The following STYXL1 variants were observed in gnomAD, a reference collection of about 807,000 sequenced individuals.
The protein encoded by STYXL1 is serine/threonine/tyrosine interacting like 1.
Under a neutral mutation model 36.4 loss-of-function variants are expected in STYXL1, and 32 were observed. The observed-to-expected ratio is 0.88, with a 90% CI of 0.66 to 1.18. The LOEUF is 1.18. STYXL1 is among the 50% of genes most tolerant of loss of function. The pLI, the probability that STYXL1 is intolerant of heterozygous loss-of-function variation, is 0.00. For synonymous variants in STYXL1, 133 were observed against 144.1 expected (o/e 0.92, Z 0.55); for missense variants, 354 against 394.1 (o/e 0.90, Z 0.86).
chr7:76,023,907 A>T (rs1794369505), intron 3 of STYXL1, among the ~76,000 whole-genome samples: 1 of 152,066 alleles, frequency 6.6e-6, no homozygotes, highest in South Asian at 2.1e-4. Flanking sequence ...CAGCTACCAA[A>T]GAGGCTGAGG....
rs1554578907 is a variant in STYXL1, at chr7:76,030,442, G to C, written c.82C>G (p.Pro28Ala). The part of the protein sequence containing the change: ...QATKLSRLTD[P>A]NYLCLLDVRS... Reference sequence around the variant, plus strand: ...TTACCCAATAAACAGAGATAGTTGGGGTCTGTTAATCTGGAGAGTTTTGTG... The same window carrying C: ...TTACCCAATAAACAGAGATAGTTGGCGTCTGTTAATCTGGAGAGTTTTGTG... Residue 28 changes from proline (P) to alanine (A), a missense_variant, in exon 2 of 9, where the codon CCC (proline) becomes GCC (alanine). By Grantham distance (27) the Pro-to-Ala change is conservative (BLOSUM62 -1). Transcript: ENST00000359697. The C allele has an allele frequency of 6.2e-7, 1 of 1,613,066 alleles. No homozygotes were observed. Among genetic ancestry groups the C allele is most frequent in the Non-Finnish European group, 8.5e-7 (1 of 1,179,220 alleles).
chr7:76,022,582 T>C (rs1794207990), intron 3 of STYXL1, among the ~76,000 whole-genome samples: 1 of 152,104 alleles, frequency 6.6e-6, no homozygotes, highest in Non-Finnish European at 1.5e-5. Flanking sequence ...GACGGATCAC[T>C]TGAGCCCAGG....
chr7:76,015,402 G>C (rs1585233349), intron 4 of STYXL1, among the ~76,000 whole-genome samples: 1 of 152,164 alleles, frequency 6.6e-6, no homozygotes. Flanking sequence ...TGTAACACCT[G>C]AAAACTATAG....
chr7:76,044,280 G>A (rs1309463330), intron 1 of STYXL1: 1 of 152,174 alleles, frequency 6.6e-6, no homozygotes, highest in Non-Finnish European at 1.5e-5. Context: ...TTAGCTTCCT[G>A]AGTAACTGGG....
At chr7:76,014,356 T>G (rs1469653740) in intron 4 of STYXL1, among the ~76,000 whole-genome samples, 1 of 151,414 alleles carries the variant, frequency 6.6e-6, no homozygotes, top group Non-Finnish European at 1.5e-5. Context: ...CCACCGGGTT[T>G]TTTTTGTTTT....
intron 1 of STYXL1, chr7:76,044,872 T>G (rs1358144693): frequency 6.6e-6 from 1 of 152,124 alleles, no homozygotes; most frequent in South Asian, 2.1e-4. Flanking sequence ...ATTTTCGTAC[T>G]TTTTGTAGAG....
At chr7:76,004,861 C>T (rs1478724962) in intron 6 of STYXL1, among the ~76,000 whole-genome samples, 10 of 149,246 alleles carry the variant, frequency 6.7e-5, no homozygotes, top group Non-Finnish European at 1.2e-4. Context: ...ACTAGCTGGG[C>T]GTGGTGGCGG....
chr7:76,031,860 T>G (rs538591991), intron 1 of STYXL1, among the ~76,000 whole-genome samples: 38 of 152,226 alleles, frequency 2.5e-4, no homozygotes, highest in Admixed American at 1.2e-3. Context: ...GAGCACCTAC[T>G]ATGTCCCAGG....
intron 3 of STYXL1, among the ~76,000 whole-genome samples, chr7:76,022,420 G>A (rs1554576514): frequency 6.6e-6 from 1 of 151,972 alleles, no homozygotes; most frequent in Non-Finnish European, 1.5e-5. Context: ...AGCACTTCAG[G>A]AGGCCAAGGC....
At chr7:76,027,844 GT>G (rs1794892205) in intron 3 of STYXL1, among the ~76,000 whole-genome samples, 1 of 151,966 alleles carries the variant, frequency 6.6e-6, no homozygotes, top group South Asian at 2.1e-4. Flanking sequence ...CGGCTCACAT[GT>G]GTAATCCCAG....
At chr7:76,017,618 G>A (rs1793534056) in intron 4 of STYXL1, among the ~76,000 whole-genome samples, 1 of 151,694 alleles carries the variant, frequency 6.6e-6, no homozygotes, top group African/African-American at 2.4e-5. Context: ...AGGCGCGATG[G>A]CTCACACCTG....
intron 4 of STYXL1, among the ~76,000 whole-genome samples, chr7:76,016,483 G>A (rs1488046120): frequency 4.7e-5 from 7 of 149,668 alleles, no homozygotes; most frequent in South Asian, 2.1e-4. Context: ...ATATATACAC[G>A]TATATATATA....
intron 5 of STYXL1, 105 bp from the exon 6 acceptor site, chr7:76,005,509 C>A: frequency 9.0e-7 from 1 of 1,107,356 alleles, no homozygotes; most frequent in Non-Finnish European, 1.3e-6. Flanking sequence ...AGGGCAGTTC[C>A]AGGACAGTGA....
At chr7:76,021,741 A>G in intron 4 of STYXL1, 110 bp downstream of exon 4, 2 of 783,848 alleles carry the variant, frequency 2.6e-6, no homozygotes. Flanking sequence ...CTGCTGTCTC[A>G]GTGTCATTGG....
intron 4 of STYXL1, among the ~76,000 whole-genome samples, chr7:76,020,567 G>A (rs1274026232): frequency 6.6e-6 from 1 of 152,168 alleles, no homozygotes; most frequent in East Asian, 1.9e-4. Flanking sequence ...AAAAGGCCTG[G>A]GTTTGAATCC....
chr7:76,023,338 G>A (rs946254427), intron 3 of STYXL1, among the ~76,000 whole-genome samples: 9 of 152,014 alleles, frequency 5.9e-5, no homozygotes, highest in Admixed American at 1.3e-4. Flanking sequence ...CCCAGACCCA[G>A]GACCAATCAC....
intron 1 of STYXL1, among the ~76,000 whole-genome samples, chr7:76,042,884 C>T (rs1021777406): frequency 3.9e-4 from 59 of 152,242 alleles, no homozygotes; most frequent in African/African-American, 1.4e-3. Flanking sequence ...AGAAGCCAGC[C>T]CCTAGGGTAG....
chr7:76,029,016 A>G (rs1554578518), intron 2 of STYXL1, among the ~76,000 whole-genome samples: 1 of 151,902 alleles, frequency 6.6e-6, no homozygotes, highest in Non-Finnish European at 1.5e-5. Flanking sequence ...CCAGCTACTC[A>G]CGAGGCTGAA....
intron 4 of STYXL1, among the ~76,000 whole-genome samples, chr7:76,019,078 T>C (rs527738555): frequency 2.6e-5 from 4 of 152,286 alleles, no homozygotes; most frequent in South Asian, 2.1e-4. Context: ...AACACCTTCA[T>C]TGATCTGCAG....
Sources: gnomAD v4.1 joint callset for allele counts (sites outside exome capture counted in the v4.1 genomes callset) on GRCh38, gnomAD v4.1.1 for gene constraint, MANE v1.5 for transcripts, NCBI Gene and HGNC (gene_info 2026-07-23, HGNC 2026-07-21) for gene names.